ADAMTSL1: variants seen among roughly 807,000 people sequenced by gnomAD.
ADAMTSL1 encodes the protein ADAMTS like 1.
Under a neutral mutation model 201.8 loss-of-function variants are expected in ADAMTSL1, and 126 were observed. The ratio of observed to expected loss-of-function variants is 0.62; its 90% CI spans 0.54 to 0.72. ADAMTSL1 has a LOEUF of 0.72. Among genes scored for constraint, ADAMTSL1 ranks in the 30% least tolerant of loss-of-function variants. ADAMTSL1 has a pLI of 0.00. For synonymous variants in ADAMTSL1, 1,121 were observed against 903.4 expected (o/e 1.24, Z -4.32); for missense variants, 2,679 against 2,277.8 (o/e 1.18, Z -3.59).
chr9:18,152,858 A>G (rs1039960914), intron 1 of ADAMTSL1, among the ~76,000 whole-genome samples: 5 of 152,012 alleles, frequency 3.3e-5, no homozygotes, highest in African/African-American at 1.2e-4. Flanking sequence ...CAGCTCTCAC[A>G]TATTCTCACT....
chr9:18,486,477 G>A (rs1012912099), intron 1 of ADAMTSL1, among the ~76,000 whole-genome samples: 7 of 152,226 alleles, frequency 4.6e-5, no homozygotes, highest in African/African-American at 1.7e-4. Context: ...GCCAAGGCAG[G>A]AGGATCGCTT....
At chr9:18,644,124 T>C (rs1475974679) in intron 7 of ADAMTSL1, among the ~76,000 whole-genome samples, 1 of 151,972 alleles carries the variant, frequency 6.6e-6, no homozygotes, top group Non-Finnish European at 1.5e-5. Context: ...TTGGGGGTTT[T>C]TGGTAGGTAT....
At chr9:18,889,367 G>A (rs1829095937) in intron 24 of ADAMTSL1, among the ~76,000 whole-genome samples, 2 of 152,142 alleles carry the variant, frequency 1.3e-5, no homozygotes, top group Admixed American at 1.3e-4. Context: ...TTTCATGGCT[G>A]AGGCCCCTAG....
intron 8 of ADAMTSL1, among the ~76,000 whole-genome samples, chr9:18,659,477 T>G (rs957237300): frequency 3.9e-5 from 6 of 152,218 alleles, no homozygotes; most frequent in Admixed American, 3.9e-4. Context: ...AGAAAATCAT[T>G]TAGCTGGCCA....
chr9:18,462,911 C>T (rs1820862459), intron 2 of ADAMTSL1, among the ~76,000 whole-genome samples: 1 of 151,264 alleles, frequency 6.6e-6, no homozygotes, highest in Admixed American at 6.6e-5. Flanking sequence ...TGCACTCCAG[C>T]CTGGGCGACA....
chr9:18,205,585 G>T (rs986464348), intron 2 of ADAMTSL1, among the ~76,000 whole-genome samples: 1 of 152,026 alleles, frequency 6.6e-6, no homozygotes, highest in Non-Finnish European at 1.5e-5. Flanking sequence ...CATGATCAAG[G>T]TTCCACAGGC....
At chr9:18,615,672 A>G (rs1488090636) in intron 4 of ADAMTSL1, among the ~76,000 whole-genome samples, 2 of 152,202 alleles carry the variant, frequency 1.3e-5, no homozygotes, top group African/African-American at 4.8e-5. Flanking sequence ...ACTTGAAATC[A>G]TTCAAATCTT....
chr9:18,249,497 T>A (rs1428505891), intron 2 of ADAMTSL1, among the ~76,000 whole-genome samples: 1 of 152,152 alleles, frequency 6.6e-6, no homozygotes, highest in Non-Finnish European at 1.5e-5. Context: ...AGTATACTCA[T>A]CCCCAGATAT....
intron 23 of ADAMTSL1, 140 bp downstream of exon 23, chr9:18,830,117 A>T: frequency 8.4e-7 from 1 of 1,196,388 alleles, no homozygotes; most frequent in Non-Finnish European, 1.2e-6. Flanking sequence ...CAGAATCCAG[A>T]CTCACCAGTG....
intron 1 of ADAMTSL1, among the ~76,000 whole-genome samples, chr9:18,021,096 G>A (rs968799619): frequency 6.6e-6 from 1 of 152,036 alleles, no homozygotes; most frequent in Admixed American, 6.6e-5. Context: ...AGGCTCTCTG[G>A]GGCTTTGCTC....
chr9:18,643,163 C>T (rs1277810728), intron 7 of ADAMTSL1, among the ~76,000 whole-genome samples: 3 of 151,990 alleles, frequency 2.0e-5, no homozygotes, highest in Non-Finnish European at 2.9e-5. Context: ...ATGCCTTTCC[C>T]TGATGATTAA....
At chr9:18,824,511 C>A (rs577693134) in intron 21 of ADAMTSL1, among the ~76,000 whole-genome samples, 1 of 152,268 alleles carries the variant, frequency 6.6e-6, no homozygotes, top group African/African-American at 2.4e-5. Flanking sequence ...GTAACAGATA[C>A]ACAGGCAACT....
chr9:18,342,043 T>C (rs961985854), intron 2 of ADAMTSL1, among the ~76,000 whole-genome samples: 2 of 152,176 alleles, frequency 1.3e-5, no homozygotes, highest in South Asian at 4.1e-4. Context: ...ATTTATTATA[T>C]GACCAAATAA....
intron 2 of ADAMTSL1, among the ~76,000 whole-genome samples, chr9:18,192,127 A>G (rs1267349234): frequency 6.6e-6 from 1 of 152,122 alleles, no homozygotes; most frequent in Non-Finnish European, 1.5e-5. Context: ...TAACTTTTCT[A>G]ATAGGAATAT....
intron 1 of ADAMTSL1, among the ~76,000 whole-genome samples, chr9:18,066,750 A>G (rs182425510): frequency 2.9e-4 from 44 of 152,348 alleles, no homozygotes; most frequent in African/African-American, 1.0e-3. Context: ...ATGTCCAACA[A>G]TGATAGACTG....
intron 2 of ADAMTSL1, among the ~76,000 whole-genome samples, chr9:18,512,163 T>C (rs34846596): frequency 0.13 from 20,440 of 152,214 alleles, 1,698 homozygotes; most frequent in Non-Finnish European, 0.19. Flanking sequence ...GCCTTCCTTT[T>C]ACTTTTTGGG....
At chr9:18,102,572 T>C (rs1824578054) in intron 1 of ADAMTSL1, among the ~76,000 whole-genome samples, 1 of 152,174 alleles carries the variant, frequency 6.6e-6, no homozygotes, top group Non-Finnish European at 1.5e-5. Flanking sequence ...TCTTGGATGA[T>C]GAATAAGATT....
At chr9:18,026,908 G>C (rs1179187687) in intron 1 of ADAMTSL1, among the ~76,000 whole-genome samples, 2 of 151,752 alleles carry the variant, frequency 1.3e-5, no homozygotes, top group Non-Finnish European at 2.9e-5. Flanking sequence ...GTCTGCTCAG[G>C]GTTTCACCTT....
intron 1 of ADAMTSL1, among the ~76,000 whole-genome samples, chr9:18,006,368 A>G (rs970634176): frequency 1.3e-5 from 2 of 152,018 alleles, no homozygotes; most frequent in African/African-American, 2.4e-5. Context: ...TATGTTAAAC[A>G]GCTCACTAAG....
Sources: gnomAD v4.1 joint callset for allele counts (sites outside exome capture counted in the v4.1 genomes callset) on GRCh38, gnomAD v4.1.1 for gene constraint, MANE v1.5 for transcripts, NCBI Gene and HGNC (gene_info 2026-07-23, HGNC 2026-07-21) for gene names.